CCDC33: variants seen among roughly 807,000 people sequenced by gnomAD.
The protein encoded by CCDC33 is coiled-coil domain containing 33.
In CCDC33, 94 loss-of-function variants were observed where a neutral mutation model predicts 91.9. The ratio of observed to expected loss-of-function variants is 1.02; its 90% CI spans 0.87 to 1.21. The LOEUF is 1.21. Among genes scored for constraint, CCDC33 ranks in the 50% most tolerant of loss-of-function variants. CCDC33 has a pLI of 0.00. For synonymous variants in CCDC33, 396 were observed against 374.5 expected (o/e 1.06, Z -0.66); for missense variants, 940 against 935.5 (o/e 1.00, Z -0.06).
intron 1 of CCDC33, chr15:74,208,163 A>G (rs1027876201): frequency 3.0e-6 from 2 of 661,664 alleles, no homozygotes; most frequent in Non-Finnish European, 3.9e-6. Flanking sequence ...CCAGAGGGCT[A>G]GGCTAGTACT....
chr15:74,216,269 T>C (rs2074445565), upstream of CCDC33, among the ~76,000 whole-genome samples: 1 of 151,924 alleles, frequency 6.6e-6, no homozygotes, highest in African/African-American at 2.4e-5. Flanking sequence ...CTCCCCAAAA[T>C]GGCCATACTG....
At chr15:74,285,568 G>A (rs377690976) in intron 10 of CCDC33, among the ~76,000 whole-genome samples, 6 of 152,014 alleles carry the variant, frequency 3.9e-5, no homozygotes, top group African/African-American at 1.2e-4. Context: ...CTTTGCCCCC[G>A]AGGCTGCAGG....
chr15:74,289,499 A>T (rs1215524755), intron 10 of CCDC33, among the ~76,000 whole-genome samples: 1 of 152,196 alleles, frequency 6.6e-6, no homozygotes, highest in African/African-American at 2.4e-5. Context: ...AGATCACTTG[A>T]GCTCAGGAGT....
At chr15:74,329,960 T>TG (rs1311518593) in intron 11 of CCDC33, among the ~76,000 whole-genome samples, 15 of 152,202 alleles carry the variant, frequency 9.9e-5, no homozygotes, top group African/African-American at 3.4e-4. Flanking sequence ...GGACGTGATG[T>TG]GGCCCCGGGG....
chr15:74,272,946 G>C (rs1353997866), intron 7 of CCDC33, 55 bp downstream of exon 7: 2 of 1,606,256 alleles, frequency 1.2e-6, no homozygotes, highest in African/African-American at 2.7e-5. Context: ...CACATTCACT[G>C]TTCACTCACT....
At chr15:74,296,114 G>A (rs989692801) in intron 11 of CCDC33, among the ~76,000 whole-genome samples, 166 bp downstream of exon 11, 1 of 152,226 alleles carries the variant, frequency 6.6e-6, no homozygotes, top group Non-Finnish European at 1.5e-5. Context: ...ACTGCTGGGC[G>A]CTGTGGCTTC....
chr15:74,249,294 A>G (rs1300434385), intron 2 of CCDC33, among the ~76,000 whole-genome samples: 1 of 151,840 alleles, frequency 6.6e-6, no homozygotes, highest in Non-Finnish European at 1.5e-5. Flanking sequence ...AGATCATCCT[A>G]GCTAACACAG....
chr15:74,322,635 A>G (rs1433489023), intron 11 of CCDC33, among the ~76,000 whole-genome samples: 1 of 152,194 alleles, frequency 6.6e-6, no homozygotes, highest in East Asian at 1.9e-4. Flanking sequence ...GAGGAAGGAC[A>G]TGTGCTCCTG....
upstream of CCDC33, among the ~76,000 whole-genome samples, chr15:74,215,871 CACCAA>C (rs1567207842): frequency 1.3e-4 from 12 of 88,916 alleles, no homozygotes; most frequent in Admixed American, 2.3e-4. Context: ...AACTCGATCT[CACCAA>C]AAAAAAAAAA....
intron 2 of CCDC33, chr15:74,209,619 T>C: frequency 1.6e-6 from 1 of 613,240 alleles, no homozygotes; most frequent in Non-Finnish European, 2.8e-6. Context: ...AGGCTGGGGT[T>C]CTGGAGTCCT....
intron 10 of CCDC33, among the ~76,000 whole-genome samples, chr15:74,283,889 G>A (rs351215): frequency 0.69 from 104,077 of 151,834 alleles, 37,705 homozygotes; most frequent in Non-Finnish European, 0.83. Flanking sequence ...AGATGTGTGC[G>A]CACATACCTT....
At chr15:74,318,764 C>T (rs1006297047) in intron 11 of CCDC33, 1 of 666,662 alleles carries the variant, frequency 1.5e-6, no homozygotes, top group African/African-American at 1.9e-5. Flanking sequence ...GTTCCCAGAG[C>T]CTCTTAAGTG....
chr15:74,275,095 C>T, intron 7 of CCDC33, among the ~76,000 whole-genome samples: 1 of 152,144 alleles, frequency 6.6e-6, no homozygotes, highest in East Asian at 1.9e-4. Context: ...CCCCTCATCT[C>T]TACACTTGAG....
chr15:74,209,939 AG>A (rs2074345164), intron 2 of CCDC33, among the ~76,000 whole-genome samples: 1 of 152,206 alleles, frequency 6.6e-6, no homozygotes, highest in African/African-American at 2.4e-5. Flanking sequence ...ATCTATAAAA[AG>A]GTGGGACCAC....
intron 10 of CCDC33, among the ~76,000 whole-genome samples, chr15:74,282,345 G>T (rs924986010): frequency 1.3e-5 from 2 of 152,056 alleles, no homozygotes; most frequent in South Asian, 4.2e-4. Context: ...CTGCAGTGCC[G>T]GACTCACATC....
chr15:74,264,071 C>T (rs931557657), intron 3 of CCDC33, among the ~76,000 whole-genome samples: 7 of 151,788 alleles, frequency 4.6e-5, no homozygotes, highest in Admixed American at 1.3e-4. Context: ...AGGGGCAGGA[C>T]TAACTGCAGG....
intron 2 of CCDC33, among the ~76,000 whole-genome samples, chr15:74,246,387 A>G (rs914829904): frequency 1.3e-5 from 2 of 152,264 alleles, no homozygotes; most frequent in Admixed American, 6.5e-5. Context: ...AAGGCAGCCT[A>G]TGGTATGGGA....
At chr15:74,214,878 TTTC>T (rs1336097033), upstream of CCDC33, among the ~76,000 whole-genome samples, 1 of 152,264 alleles carries the variant, frequency 6.6e-6, no homozygotes, top group African/African-American at 2.4e-5. Context: ...CTGGGTTGAA[TTTC>T]TTCATCACTT....
intron 11 of CCDC33, among the ~76,000 whole-genome samples, chr15:74,307,124 G>A (rs1053015178): frequency 6.6e-6 from 1 of 152,170 alleles, no homozygotes; most frequent in Non-Finnish European, 1.5e-5. Context: ...AGCACTCTCG[G>A]TAACTAAAGC....
Sources: gnomAD v4.1 joint callset for allele counts (sites outside exome capture counted in the v4.1 genomes callset) on GRCh38, gnomAD v4.1.1 for gene constraint, MANE v1.5 for transcripts, NCBI Gene and HGNC (gene_info 2026-07-23, HGNC 2026-07-21) for gene names.